PGM3: variants seen among roughly 807,000 people sequenced by gnomAD.
The protein encoded by PGM3 is phosphoglucomutase 3.
Under a neutral mutation model 66.2 loss-of-function variants are expected in PGM3, and 40 were observed. The ratio of observed to expected loss-of-function variants is 0.60; its 90% CI spans 0.47 to 0.79. The LOEUF (loss-of-function observed/expected upper bound fraction) is 0.79. Ranked by LOEUF, PGM3 falls within the 30% of genes least tolerant of loss-of-function variation. The pLI, the probability that PGM3 is intolerant of heterozygous loss-of-function variation, is 0.00. For synonymous variants in PGM3, 191 were observed against 224.2 expected (o/e 0.85, Z 1.32); for missense variants, 537 against 643.4 (o/e 0.83, Z 1.79).
At chr6:83,190,104 G>C (rs181199764) in intron 2 of PGM3, among the ~76,000 whole-genome samples, 95 of 152,280 alleles carry the variant, frequency 6.2e-4, no homozygotes, top group African/African-American at 2.2e-3. Context: ...AAAATGTGTT[G>C]AGCGTACGTC....
At position 83,167,190 on chromosome 6, in the gene PGM3, T is replaced by C; in HGVS notation, c.*2044A>G. ...CCATTTTATAAGTGAGGAACCTTTGTATATCCTGCCCAAGGGTGCCGTAAG... is the reference window on the plus strand; with the variant it reads ...CCATTTTATAAGTGAGGAACCTTTGCATATCCTGCCCAAGGGTGCCGTAAG... On this transcript the variant is annotated 3_prime_UTR_variant, in exon 13 of 13. Transcript: ENST00000513973. 1 of 889,828 alleles carries C rather than the reference T, an allele frequency of 1.1e-6. No homozygotes were observed. Among genetic ancestry groups the C allele is most frequent in the Non-Finnish European group, 1.3e-6 (1 of 742,630 alleles). The allele number at this position is 889,828 out of a possible 1,614,324, so 55.1% of individuals were successfully genotyped here.
In PGM3 at chr6:83,167,230, C is replaced by T. The variant is rs1785950808; in HGVS notation, c.*2004G>A. 5 of 943,294 alleles carry T rather than the reference C, an allele frequency of 5.3e-6. No individual in the cohort carries two copies. The highest frequency in any genetic ancestry group is 6.3e-6 in the Non-Finnish European group (5 of 791,422). The allele number at this position is 943,294 out of a possible 1,614,324, so 58.4% of individuals were successfully genotyped here. A position where few individuals can be genotyped will look rare whatever the true frequency, so the allele number is the denominator to read the frequency against. On this transcript the variant is annotated 3_prime_UTR_variant, in exon 13 of 13. Transcript: ENST00000513973. ...GGTGCCGTAAGTATGGCAGAGCCAG[C>T]ACACTAACTCAATTCCTTTGACTCC...
intron 5 of PGM3, 27 bp from the exon 6 acceptor site, chr6:83,181,958 A>G (rs752039072): frequency 3.1e-5 from 46 of 1,478,924 alleles, no homozygotes; most frequent in Admixed American, 1.8e-4. Context: ...CACATGGAAG[A>G]AAAATTTCAA....
At chr6:83,150,249 C>T in the PGM3 span, among the ~76,000 whole-genome samples, 1 of 152,132 alleles carries the variant, frequency 6.6e-6, no homozygotes, top group Non-Finnish European at 1.5e-5. Flanking sequence ...TCACACGTGC[C>T]TGTAGTCCCA....
downstream of PGM3, chr6:83,158,670 AATT>A (rs1395455370): frequency 1.6e-6 from 2 of 1,240,708 alleles, no homozygotes; most frequent in African/African-American, 3.0e-5. Context: ...AATACCCTGA[AATT>A]ATTCAGAATA....
chr6:83,154,608 A>ATTT, the PGM3 span, among the ~76,000 whole-genome samples: 1 of 152,192 alleles, frequency 6.6e-6, no homozygotes, highest in Non-Finnish European at 1.5e-5. Context: ...AGACTGACAG[A>ATTT]TGGTGAAGTG....
chr6:83,173,808 C>T (rs765820595), intron 10 of PGM3, among the ~76,000 whole-genome samples: 20 of 152,186 alleles, frequency 1.3e-4, no homozygotes, highest in Non-Finnish European at 2.6e-4. Context: ...GTGATCTTGG[C>T]TCACTGCAAG....
downstream of PGM3, among the ~76,000 whole-genome samples, chr6:83,159,361 C>T (rs895516602): frequency 6.6e-6 from 1 of 152,080 alleles, no homozygotes; most frequent in African/African-American, 2.4e-5. Flanking sequence ...GCAGCCTCGA[C>T]CTCCCAGGCT....
chr6:83,155,700 T>A, the PGM3 span, among the ~76,000 whole-genome samples: 1 of 152,208 alleles, frequency 6.6e-6, no homozygotes, highest in Admixed American at 6.5e-5. Flanking sequence ...TAAATGGTAT[T>A]AGTGGTTTTA....
intron 12 of PGM3, chr6:83,169,592 T>A (rs2128474658): frequency 2.1e-6 from 1 of 472,930 alleles, no homozygotes; most frequent in African/African-American, 2.0e-5. Context: ...ACTGAAAAAA[T>A]TCAATAAAAC....
At position 83,166,627 on chromosome 6, in the gene PGM3, A is replaced by T. The variant is rs919161562; in HGVS notation, c.*2607T>A. ...CCACATTTATTTAAGAATGTACTCC[A>T]ATATAAAACGGCAAATTTCAACAAT... is the stretch of plus-strand genomic sequence containing the variant. On this transcript the variant is annotated 3_prime_UTR_variant, in exon 13 of 13. Transcript: ENST00000513973. 9.0e-5 allele frequency: 78 copies of T among 863,556 alleles called. No individual in the cohort carries two copies. Among genetic ancestry groups the T allele is most frequent in the Non-Finnish European group, 1.3e-4 (78 of 620,484 alleles). The allele number at this position is 863,556 out of a possible 1,614,324, so 53.5% of individuals were successfully genotyped here. A position where few individuals can be genotyped will look rare whatever the true frequency, so the allele number is the denominator to read the frequency against.
downstream of PGM3, among the ~76,000 whole-genome samples, chr6:83,156,327 A>C (rs898026387): frequency 1.3e-5 from 2 of 152,186 alleles, no homozygotes; most frequent in African/African-American, 2.4e-5. Flanking sequence ...TTTATTGTTT[A>C]GTTCAAATTT....
intron 10 of PGM3, among the ~76,000 whole-genome samples, chr6:83,173,854 A>G (rs936021862): frequency 6.6e-6 from 1 of 152,126 alleles, no homozygotes; most frequent in Non-Finnish European, 1.5e-5. Flanking sequence ...CTCCTGCCTC[A>G]GCCTCCCGAG....
At chr6:83,152,597 T>G in the PGM3 span, among the ~76,000 whole-genome samples, 1 of 151,638 alleles carries the variant, frequency 6.6e-6, no homozygotes, top group Middle Eastern at 3.2e-3. Flanking sequence ...GTCCTATTCT[T>G]TTTTATGTGT....
At chr6:83,155,542 GTGGC>G in the PGM3 span, among the ~76,000 whole-genome samples, 3 of 152,158 alleles carry the variant, frequency 2.0e-5, no homozygotes, top group Non-Finnish European at 4.4e-5. Context: ...GCAAGACAGT[GTGGC>G]TACAGCAGAG....
rs1481542227 is a variant in PGM3, at chr6:83,166,152, T to C, written c.*3082A>G. 1 of 471,372 alleles carries C rather than the reference T, an allele frequency of 2.1e-6. No individual in the cohort carries two copies. The highest frequency in any genetic ancestry group is 3.7e-6 in the Non-Finnish European group (1 of 268,496). 29.2% of individuals were successfully genotyped at this position (471,372 alleles called of 1,614,324 possible). On this transcript the variant is annotated 3_prime_UTR_variant, in exon 13 of 13. Transcript: ENST00000513973. ...CACTTCAAAACAACGAATTTTTTTATTTTTCACTCAGCTCATGAGGCACCC... is the reference window on the plus strand; with the variant it reads ...CACTTCAAAACAACGAATTTTTTTACTTTTCACTCAGCTCATGAGGCACCC...
In PGM3 at chr6:83,178,521, A is replaced by G. The variant is rs540469408; in HGVS notation, c.1029+152T>C. Reference sequence around the variant, plus strand: ...TTTCCTTTATTCATCAAGGACAACTAAATTTTTTCTTATTTATTTCTCTTT... The same window carrying G: ...TTTCCTTTATTCATCAAGGACAACTGAATTTTTTCTTATTTATTTCTCTTT... On this transcript the variant is annotated intron_variant, in intron 8 of 12. Coordinates refer to ENST00000513973, the MANE Select transcript of PGM3 (RefSeq NM_015599.3). The G allele has an allele frequency of 3.6e-4, 217 of 597,404 alleles. 1 individual carries two copies. The highest frequency in any genetic ancestry group is 8.6e-4 in the Middle Eastern group (3 of 3,498). 37.0% of individuals were successfully genotyped at this position (597,404 alleles called of 1,614,324 possible). A position where few individuals can be genotyped will look rare whatever the true frequency, so the allele number is the denominator to read the frequency against.
intron 11 of PGM3, chr6:83,171,308 T>A (rs560055307): frequency 6.6e-6 from 1 of 152,332 alleles, no homozygotes; most frequent in South Asian, 2.1e-4. Context: ...TTAATTTTTT[T>A]ATATCTATTT....
chr6:83,187,904 C>T (rs1051649850), intron 3 of PGM3, among the ~76,000 whole-genome samples: 1 of 152,218 alleles, frequency 6.6e-6, no homozygotes, highest in African/African-American at 2.4e-5. Flanking sequence ...GATGACTTTA[C>T]TGTGGTGGGA....
Sources: allele counts gnomAD v4.1 joint callset (sites outside exome capture counted in the v4.1 genomes callset), GRCh38; gene constraint gnomAD v4.1.1; transcripts MANE v1.5; gene names NCBI Gene and HGNC (gene_info 2026-07-23, HGNC 2026-07-21).